Variants in SNCB observed in about 807,000 individuals in gnomAD.
SNCB encodes beta-synuclein.
In SNCB, 8 loss-of-function variants were observed where a neutral mutation model predicts 20.0. The observed-to-expected ratio is 0.40, with a 90% CI of 0.24 to 0.72. SNCB has a LOEUF of 0.72. SNCB is among the 30% of genes least tolerant of loss of function. The pLI, the probability that SNCB is intolerant of heterozygous loss-of-function variation, is 0.37. For synonymous variants in SNCB, 56 were observed against 65.4 expected, an observed-to-expected ratio of 0.86 and a Z score of 0.69; for missense variants, 125 against 168.0, an observed-to-expected ratio of 0.74 and a Z score of 1.41.
rs989817668 is a variant in SNCB at position 176,621,865 on chromosome 5, G to C, written c.283-562C>G. Reference sequence around the variant, plus strand: ...TGAGCTAAGACTCTCCCCCCCACCCGCTGCGTCTGCTGCCCAGACAGGCGC... The same window carrying C: ...TGAGCTAAGACTCTCCCCCCCACCCCCTGCGTCTGCTGCCCAGACAGGCGC... On this transcript the variant is annotated intron_variant, in intron 4 of 5. Transcript: ENST00000393693. The surrounding 1 kb of genome is among the most constrained non-coding windows in gnomAD (Gnocchi z 4.1). 2.6e-5 allele frequency among the ~76,000 whole-genome samples: 4 copies of C among 152,010 alleles called. No homozygotes were observed. Among genetic ancestry groups the C allele is most frequent in the Admixed American group, 2.6e-4 (4 of 15,280 alleles).
rs1298370433 is a variant in SNCB at position 176,626,575 on chromosome 5, CT to C, written c.164-60del. 1.3e-6 allele frequency: 2 copies of C among 1,525,502 alleles called. No individual in the cohort carries two copies. Among genetic ancestry groups the C allele is most frequent in the Non-Finnish European group, 1.8e-6 (2 of 1,099,452 alleles). 94.5% of individuals were successfully genotyped at this position (1,525,502 alleles called of 1,614,324 possible). On this transcript the variant is annotated intron_variant, in intron 3 of 5. Transcript: ENST00000393693. The surrounding 1 kb of genome is among the most constrained non-coding windows in gnomAD (Gnocchi z 4.2). Reference sequence around the variant, plus strand: ...GGAGCCAGGGGGAAACACCGATGCCCTGCCTTGTAGTATCCCAGGGCCTGCC... The same window carrying C: ...GGAGCCAGGGGGAAACACCGATGCCCGCCTTGTAGTATCCCAGGGCCTGCC...
rs200001829 is a variant in SNCB, at chr5:176,626,299, G to A, written c.282+99C>T. 1 of 902,944 alleles carries A rather than the reference G, an allele frequency of 1.1e-6. No homozygotes were observed. Among genetic ancestry groups the A allele is most frequent in the Non-Finnish European group, 1.8e-6 (1 of 543,672 alleles). 55.9% of individuals were successfully genotyped at this position (902,944 alleles called of 1,614,324 possible). A position where few individuals can be genotyped will look rare whatever the true frequency, so the allele number is the denominator to read the frequency against. Reference sequence around the variant, plus strand: ...TGTTCCAAGCTGGTGGCAGGATTAGGGGGGCGGGGATGGTGACAGGTTTAT... The same window carrying A: ...TGTTCCAAGCTGGTGGCAGGATTAGAGGGGCGGGGATGGTGACAGGTTTAT... On this transcript the variant is annotated intron_variant, in intron 4 of 5. Coordinates refer to ENST00000393693, the MANE Select transcript of SNCB (RefSeq NM_003085.5). The surrounding 1 kb of genome is among the most constrained non-coding windows in gnomAD (Gnocchi z 4.2).
chr5:176,625,430 T>C (rs1484040889), intron 4 of SNCB, among the ~76,000 whole-genome samples: 1 of 152,238 alleles, frequency 6.6e-6, no homozygotes, highest in Non-Finnish European at 1.5e-5. Context: ...TGAGAATATC[T>C]ATATTATCTC....
Position 176,629,727 on chromosome 5 carries a change from C to T in SNCB, c.-9-64G>A, listed in dbSNP as rs1452309586. ...CGCACTCTCACCCCAGCCCCTCCCG[C>T]GGGACGCAGATGCCCCCCTACTCCC... is the stretch of plus-strand genomic sequence containing the variant. On this transcript the variant is annotated intron_variant, in intron 1 of 5. Transcript: ENST00000393693. This position sits in a 1 kb window ranked among gnomAD's most constrained non-coding sequence, Gnocchi z 4.1. The T allele has an allele frequency of 9.6e-6, 15 of 1,568,222 alleles. No individual in the cohort carries two copies. The highest frequency in any genetic ancestry group is 8.1e-5 in the African/African-American group (6 of 74,140).
At position 176,620,675 on chromosome 5, in the gene SNCB, G is replaced by T. The variant is rs1020974281; in HGVS notation, c.*136C>A. The T allele has an allele frequency of 4.1e-5, 31 of 753,558 alleles. No homozygotes were observed. The highest frequency in any genetic ancestry group is 5.6e-5 in the Non-Finnish European group (23 of 414,006). The allele number at this position is 753,558 out of a possible 1,614,324, so 46.7% of individuals were successfully genotyped here. ...GACAGATGGACAGACACTAACACAG[G>T]CTCCGAGGGGGTTGCCTCAGAGCGG... is the stretch of plus-strand genomic sequence containing the variant. On this transcript the variant is annotated 3_prime_UTR_variant, in exon 6 of 6. Coordinates refer to ENST00000393693, the MANE Select transcript of SNCB (RefSeq NM_003085.5). The surrounding 1 kb of genome is among the most constrained non-coding windows in gnomAD (Gnocchi z 4.5).
At chr5:176,625,009 C>A (rs1759854238) in intron 4 of SNCB, among the ~76,000 whole-genome samples, 1 of 152,146 alleles carries the variant, frequency 6.6e-6, no homozygotes, top group African/African-American at 2.4e-5. Flanking sequence ...ACTGATCACC[C>A]AAACCAGACG....
chr5:176,625,172 A>G (rs1759865447), intron 4 of SNCB, among the ~76,000 whole-genome samples: 1 of 152,244 alleles, frequency 6.6e-6, no homozygotes, highest in African/African-American at 2.4e-5. Context: ...AGGCAGACCC[A>G]GACTGCTTGA....
chr5:176,628,385 C>T (rs1376469203), intron 2 of SNCB, among the ~76,000 whole-genome samples: 1 of 152,204 alleles, frequency 6.6e-6, no homozygotes. Context: ...TCGCCCCTGC[C>T]ACCCTCATCC....
chr5:176,628,700 G>A (rs1373562751), intron 2 of SNCB, among the ~76,000 whole-genome samples: 5 of 152,198 alleles, frequency 3.3e-5, no homozygotes, highest in African/African-American at 1.2e-4. Context: ...GCCACTGGAT[G>A]TCAACTCGCA....
At chr5:176,625,110 A>T (rs763545305) in intron 4 of SNCB, among the ~76,000 whole-genome samples, 2 of 152,174 alleles carry the variant, frequency 1.3e-5, no homozygotes, top group African/African-American at 4.8e-5. Context: ...CTGCACACAC[A>T]TGTCATGGGG....
chr5:176,629,520 C>T lies in SNCB; in HGVS notation c.121+14G>A, dbSNP rs750766532. ...CCCAGCCCTGCAGCCCCAGAAACCCCGCCCCTTACCCACCGACGTAGAGGA... is the reference window on the plus strand; with the variant it reads ...CCCAGCCCTGCAGCCCCAGAAACCCTGCCCCTTACCCACCGACGTAGAGGA... On this transcript the variant is annotated intron_variant, in intron 2 of 5. Transcript: ENST00000393693. This position sits in a 1 kb window ranked among gnomAD's most constrained non-coding sequence, Gnocchi z 4.1. The T allele has an allele frequency of 5.0e-6, 8 of 1,612,264 alleles. No homozygotes were observed. Among genetic ancestry groups the T allele is most frequent in the South Asian group, 3.3e-5 (3 of 90,862 alleles).
intron 4 of SNCB, among the ~76,000 whole-genome samples, chr5:176,623,381 C>T (rs1172983815): frequency 6.6e-6 from 1 of 151,856 alleles, no homozygotes; most frequent in Non-Finnish European, 1.5e-5. Context: ...GGCGAGACTC[C>T]GTCTAAAAAA....
intron 2 of SNCB, among the ~76,000 whole-genome samples, chr5:176,627,981 A>AG (rs1760081545): frequency 6.6e-6 from 1 of 152,198 alleles, no homozygotes; most frequent in Non-Finnish European, 1.5e-5. Flanking sequence ...GAGACTGCAG[A>AG]GGGTATCCCA....
intron 2 of SNCB, among the ~76,000 whole-genome samples, chr5:176,627,336 T>C (rs2113406917): frequency 6.6e-6 from 1 of 152,328 alleles, no homozygotes; most frequent in East Asian, 1.9e-4. Context: ...ACTGCCCCAC[T>C]CCATTTCCTC....
rs534885833 is a variant in SNCB, at chr5:176,621,493, G to C, written c.283-190C>G. 3.1e-4 allele frequency among the ~76,000 whole-genome samples: 47 copies of C among 152,214 alleles called. No individual in the cohort carries two copies. The highest frequency in any genetic ancestry group is 2.9e-5 in the Non-Finnish European group (2 of 68,024). On this transcript the variant is annotated intron_variant, in intron 4 of 5. Transcript: ENST00000393693. The surrounding 1 kb of genome is among the most constrained non-coding windows in gnomAD (Gnocchi z 4.1). ...TGGAGGTGAAGGGGGAAATTCCCCC[G>C]AATCACAGTTGAAGTGGCAGCATGG...
chr5:176,629,486 C>A lies in SNCB; in HGVS notation c.121+48G>T, dbSNP rs767759296. 3 of 1,600,950 alleles carry A rather than the reference C, an allele frequency of 1.9e-6. No individual in the cohort carries two copies. Among genetic ancestry groups the A allele is most frequent in the South Asian group, 2.2e-5 (2 of 89,724 alleles). On this transcript the variant is annotated intron_variant, in intron 2 of 5. Transcript: ENST00000393693. The surrounding 1 kb of genome is among the most constrained non-coding windows in gnomAD (Gnocchi z 4.1). ...GGACCCGGCCCCAGCTCCACACTGT[C>A]GGGGGACCCCCAGCCCTGCAGCCCC...
chr5:176,625,114 C>CA (rs1759862759), intron 4 of SNCB, among the ~76,000 whole-genome samples: 1 of 152,244 alleles, frequency 6.6e-6, no homozygotes, highest in Non-Finnish European at 1.5e-5. Context: ...ACACACATGT[C>CA]ATGGGGGATC....
intron 4 of SNCB, among the ~76,000 whole-genome samples, chr5:176,622,287 C>T (rs1394991852): frequency 6.6e-6 from 1 of 152,194 alleles, no homozygotes; most frequent in Non-Finnish European, 1.5e-5. Flanking sequence ...CCCCAAGTCA[C>T]CCAGCTATGA....
intron 4 of SNCB, among the ~76,000 whole-genome samples, chr5:176,622,621 T>C (rs11134986): frequency 0.99 from 150,118 of 152,346 alleles, 73,997 homozygotes; most frequent in Middle Eastern, 1. Flanking sequence ...GAATACTACA[T>C]AACAAGAATG....
Sources: allele counts gnomAD v4.1 joint callset (sites outside exome capture counted in the v4.1 genomes callset), GRCh38; gene constraint gnomAD v4.1.1; non-coding constraint Gnocchi (gnomAD v3.1); transcripts MANE v1.5; gene names NCBI Gene and HGNC (gene_info 2026-07-23, HGNC 2026-07-21).